The following SCD5 variants were observed in gnomAD, a reference collection of about 807,000 sequenced individuals.
SCD5 encodes the protein acyl-CoA-desaturase 4.
SCD5 carries 20 observed loss-of-function variants against 30.4 expected under a neutral mutation model. That is an observed-to-expected ratio of 0.66 (90% CI 0.46 to 0.96). SCD5 has a LOEUF of 0.96. SCD5 is among the 40% of genes least tolerant of loss of function. SCD5 has a pLI of 0.00. For missense variants in SCD5, 381 were observed against 443.3 expected (o/e 0.86, Z 1.26); for synonymous variants, 173 against 176.4 (o/e 0.98, Z 0.16).
At chr4:82,742,546 G>A (rs1204843562) in intron 1 of SCD5, among the ~76,000 whole-genome samples, 2 of 152,206 alleles carry the variant, frequency 1.3e-5, no homozygotes, top group Non-Finnish European at 2.9e-5. Flanking sequence ...CAGCACTTTG[G>A]GAGGCCGAGG....
intron 1 of SCD5, among the ~76,000 whole-genome samples, chr4:82,725,620 G>C (rs1720452606): frequency 1.3e-5 from 2 of 152,162 alleles, no homozygotes; most frequent in Non-Finnish European, 2.9e-5. Flanking sequence ...AGCACTCTGG[G>C]AAGCTGAGGT....
chr4:82,720,516 C>T (rs1376504010), intron 1 of SCD5, among the ~76,000 whole-genome samples: 2 of 147,322 alleles, frequency 1.4e-5, no homozygotes, highest in African/African-American at 5.0e-5. Context: ...TAATCCATTC[C>T]TAGTTGATGA....
At chr4:82,777,014 C>A (rs563136652) in intron 1 of SCD5, among the ~76,000 whole-genome samples, 2 of 152,202 alleles carry the variant, frequency 1.3e-5, no homozygotes, top group South Asian at 2.1e-4. Context: ...CTACATGCTG[C>A]GCCCATGCTC....
chr4:82,784,043 G>A (rs1721936598), intron 1 of SCD5, among the ~76,000 whole-genome samples: 1 of 152,022 alleles, frequency 6.6e-6, no homozygotes, highest in South Asian at 2.1e-4. Context: ...CATACACAGA[G>A]GAAATGATAA....
chr4:82,690,647 T>C (rs1728813155), intron 2 of SCD5, among the ~76,000 whole-genome samples: 1 of 152,212 alleles, frequency 6.6e-6, no homozygotes, highest in Admixed American at 6.5e-5. Flanking sequence ...CTCCCCAAAA[T>C]CTATCATTCT....
intron 1 of SCD5, among the ~76,000 whole-genome samples, chr4:82,711,877 G>A (rs776176786): frequency 6.6e-6 from 1 of 152,000 alleles, no homozygotes; most frequent in Non-Finnish European, 1.5e-5. Context: ...GGGAGCTCTA[G>A]GAGCAGGAGT....
intron 1 of SCD5, among the ~76,000 whole-genome samples, chr4:82,707,346 C>A (rs1719991170): frequency 6.6e-6 from 1 of 152,052 alleles, no homozygotes; most frequent in Non-Finnish European, 1.5e-5. Flanking sequence ...TAGCTCAAGC[C>A]AAAAACAAAA....
rs540574122 is a variant in SCD5 at position 82,631,137 on chromosome 4, C to T, written c.*190G>A. ...AAAACAAAACAAACAAAAAAAAAAA[C>T]GAAAGTTTTTTCATTGATAATTGTA... On this transcript the variant is annotated 3_prime_UTR_variant, in exon 5 of 5. Coordinates refer to ENST00000319540, the MANE Select transcript of SCD5 (RefSeq NM_001037582.3). The T allele has an allele frequency of 3.3e-4, 157 of 474,712 alleles. No homozygotes were observed. The highest frequency in any genetic ancestry group is 4.6e-4 in the Non-Finnish European group (129 of 280,998). The allele number at this position is 474,712 out of a possible 1,614,324, so 29.4% of individuals were successfully genotyped here.
chr4:82,641,253 C>CAAAAAA (rs10708492), intron 3 of SCD5, among the ~76,000 whole-genome samples: 2 of 52,214 alleles, frequency 3.8e-5, no homozygotes, highest in South Asian at 1.5e-3. Flanking sequence ...AACTCCATCT[C>CAAAAAA]AAAAAAAAAA....
chr4:82,712,297 T>TATATACATATATA (rs1560540874), intron 1 of SCD5, among the ~76,000 whole-genome samples: 4 of 33,742 alleles, frequency 1.2e-4, no homozygotes, highest in Non-Finnish European at 2.5e-4. Context: ...TATATATATA[T>TATATACATATATA]TTTATTTTTA....
At chr4:82,771,969 A>G (rs1164774377) in intron 1 of SCD5, among the ~76,000 whole-genome samples, 1 of 152,236 alleles carries the variant, frequency 6.6e-6, no homozygotes, top group African/African-American at 2.4e-5. Context: ...AGGTACAGAT[A>G]TGCATTCAAG....
At chr4:82,717,987 G>C (rs6535383) in intron 1 of SCD5, among the ~76,000 whole-genome samples, 97,977 of 147,680 alleles carry the variant, frequency 0.66, 34,564 homozygotes, top group African/African-American at 0.91. Flanking sequence ...AGTACCAAAA[G>C]TGGTCAATTT....
chr4:82,702,392 G>A (rs191805002), intron 2 of SCD5, among the ~76,000 whole-genome samples: 158 of 151,828 alleles, frequency 1.0e-3, no homozygotes, highest in African/African-American at 3.4e-3. Flanking sequence ...TGATCCACTC[G>A]CCTCGGCCTC....
intron 3 of SCD5, among the ~76,000 whole-genome samples, chr4:82,664,098 T>A (rs1271734110): frequency 6.6e-6 from 1 of 152,204 alleles, no homozygotes; most frequent in Non-Finnish European, 1.5e-5. Context: ...TAGGGAAAGA[T>A]CTACTTTGTG....
At chr4:82,779,241 A>T (rs1240915020) in intron 1 of SCD5, among the ~76,000 whole-genome samples, 1 of 151,914 alleles carries the variant, frequency 6.6e-6, no homozygotes, top group Non-Finnish European at 1.5e-5. Context: ...GAGAGTCCTT[A>T]CAAGTGGAAG....
At chr4:82,791,766 G>GA (rs145904735) in intron 1 of SCD5, among the ~76,000 whole-genome samples, 39 of 149,516 alleles carry the variant, frequency 2.6e-4, no homozygotes, top group African/African-American at 7.6e-4. Flanking sequence ...AATGTTCAAT[G>GA]AAAAAAAAAT....
At chr4:82,679,250 A>G (rs55841510) in intron 3 of SCD5, among the ~76,000 whole-genome samples, 6,771 of 39,066 alleles carry the variant, frequency 0.17, 506 homozygotes, top group East Asian at 0.39. Flanking sequence ...GAAAGAAAGA[A>G]AGAAAGAAAG....
chr4:82,644,456 G>C (rs147401994), intron 3 of SCD5, among the ~76,000 whole-genome samples: 1 of 152,166 alleles, frequency 6.6e-6, no homozygotes, highest in African/African-American at 2.4e-5. Flanking sequence ...CAGCAGAAAG[G>C]CCAACTCTCC....
intron 3 of SCD5, among the ~76,000 whole-genome samples, chr4:82,675,529 T>C (rs879300894): frequency 1.3e-5 from 2 of 152,230 alleles, no homozygotes; most frequent in Non-Finnish European, 2.9e-5. Flanking sequence ...TTTTGAACCA[T>C]TCCATCCATT....
Sources: allele counts gnomAD v4.1 joint callset (sites outside exome capture counted in the v4.1 genomes callset), GRCh38; gene constraint gnomAD v4.1.1; transcripts MANE v1.5; gene names NCBI Gene and HGNC (gene_info 2026-07-23, HGNC 2026-07-21).